Variants in SASH1 observed in about 807,000 individuals in gnomAD.
SASH1 encodes the protein SAM and SH3 domain containing 1.
Under a neutral mutation model 125.2 loss-of-function variants are expected in SASH1, and 44 were observed. The ratio of observed to expected loss-of-function variants is 0.35; its 90% confidence interval spans 0.28 to 0.45. The LOEUF is 0.45. SASH1 is among the 20% of genes least tolerant of loss of function. SASH1 has a pLI of 1.00. For synonymous variants in SASH1, 639 were observed against 649.1 expected (o/e 0.98, Z 0.24); for missense variants, 1,426 against 1,614.5 (o/e 0.88, Z 2.00).
chr6:148,474,354 G>A, intron 7 of SASH1, 132 bp downstream of exon 7: 1 of 566,726 alleles, frequency 1.8e-6, no homozygotes, highest in South Asian at 2.3e-5. Flanking sequence ...CTGTTTACTT[G>A]ATACAAACAT....
chr6:148,449,955 C>T (rs920081903), intron 4 of SASH1, among the ~76,000 whole-genome samples: 2 of 152,124 alleles, frequency 1.3e-5, no homozygotes, highest in African/African-American at 2.4e-5. Context: ...CACTCACTAC[C>T]ACAAGCATGG....
chr6:148,233,324 T>C, the SASH1 span, among the ~76,000 whole-genome samples: 26 of 152,086 alleles, frequency 1.7e-4, no homozygotes, highest in African/African-American at 6.0e-4. Flanking sequence ...CAAAGCACCA[T>C]GCTGTAGGGC....
At chr6:148,249,543 C>T in the SASH1 span, among the ~76,000 whole-genome samples, 9 of 152,296 alleles carry the variant, frequency 5.9e-5, no homozygotes, top group African/African-American at 7.2e-5. Context: ...GATAGGGGTA[C>T]GAATCTGCAA....
At chr6:148,527,987 T>TGGG (rs1479589655) in intron 12 of SASH1, among the ~76,000 whole-genome samples, 1 of 79,794 alleles carries the variant, frequency 1.3e-5, no homozygotes, top group African/African-American at 6.8e-5. Flanking sequence ...CTTTTTTTTT[T>TGGG]TGGGGGGGGG....
In SASH1 at chr6:148,497,358, A is replaced by T. The variant is rs188198642; in HGVS notation, c.729+9643A>T. ...AAAGTTTTCAGGCATGTATTTGTTGAGTCCCTAAGATCACCATGTTTCCAC... is the reference window on the plus strand; with the variant it reads ...AAAGTTTTCAGGCATGTATTTGTTGTGTCCCTAAGATCACCATGTTTCCAC... On this transcript the variant is annotated intron_variant, in intron 8 of 19. Coordinates refer to ENST00000367467, the MANE Select transcript of SASH1 (RefSeq NM_015278.5). Among the ~76,000 whole-genome samples, 79 of 152,268 alleles carry T rather than the reference A, an allele frequency of 5.2e-4. No homozygotes were observed. In the East Asian group the frequency reaches 0.013, roughly 24 times the overall value.
At chr6:148,518,108 C>T (rs138566334) in intron 9 of SASH1, among the ~76,000 whole-genome samples, 3 of 152,118 alleles carry the variant, frequency 2.0e-5, no homozygotes, top group Admixed American at 6.5e-5. Flanking sequence ...GCATAAGAAC[C>T]CTTGGTCTCC....
Position 148,474,203 on chromosome 6 carries a change from T to A in SASH1, c.608T>A (p.Ile203Asn). 1.9e-6 allele frequency: 3 copies of A among 1,602,512 alleles called. No homozygotes were observed. The highest frequency in any genetic ancestry group is 2.6e-6 in the Non-Finnish European group (3 of 1,173,076). ...MMMVKEKMIT[I>N]EEALARLKEY... ...ATGGTCAAAGAAAAGATGATCACAA[T>A]TGAGGAAGCACTTGCTAGGGTAAGC... is the stretch of plus-strand genomic sequence containing the variant. Residue 203 changes from isoleucine to asparagine, a missense_variant, in exon 7 of 20, where the codon ATT becomes AAT. This residue lies in a region of SASH1 where 567 missense variants were observed against 575.6 expected (regional missense o/e 0.99). Coordinates refer to ENST00000367467, the MANE Select transcript of SASH1 (RefSeq NM_015278.5).
At chr6:148,259,466 A>C in the SASH1 span, among the ~76,000 whole-genome samples, 1 of 152,120 alleles carries the variant, frequency 6.6e-6, no homozygotes, top group Non-Finnish European at 1.5e-5. Context: ...CCAATATACA[A>C]AAGTAGGTGA....
chr6:148,474,251 T>A (rs1315835105), intron 7 of SASH1, 29 bp downstream of exon 7: 6 of 1,378,128 alleles, frequency 4.4e-6, no homozygotes, highest in Non-Finnish European at 6.1e-6. Flanking sequence ...GGTTTATATT[T>A]GTGAGGACTT....
chr6:148,245,206 C>T, the SASH1 span, among the ~76,000 whole-genome samples: 2 of 152,128 alleles, frequency 1.3e-5, no homozygotes, highest in African/African-American at 4.8e-5. Flanking sequence ...TCCTCTTTCT[C>T]GACACAAACA....
At chr6:148,344,833 G>T (rs1240256860) in intron 1 of SASH1, among the ~76,000 whole-genome samples, 1 of 150,476 alleles carries the variant, frequency 6.6e-6, no homozygotes, top group Non-Finnish European at 1.5e-5. Context: ...TCAGCTCACT[G>T]CAACCTCCGC....
chr6:148,323,806 A>G (rs760987985), intron 1 of SASH1, among the ~76,000 whole-genome samples: 8 of 152,078 alleles, frequency 5.3e-5, no homozygotes, highest in Non-Finnish European at 1.0e-4. Flanking sequence ...TGTGACCCAC[A>G]TGAATAGAAG....
chr6:148,306,002 A>G (rs543291527), intron 1 of SASH1, among the ~76,000 whole-genome samples: 1 of 152,334 alleles, frequency 6.6e-6, no homozygotes, highest in East Asian at 1.9e-4. Flanking sequence ...ATATGCTTGT[A>G]TCAAAATATC....
intron 8 of SASH1, among the ~76,000 whole-genome samples, chr6:148,489,410 G>A (rs1007909769): frequency 6.6e-6 from 1 of 152,110 alleles, no homozygotes; most frequent in Non-Finnish European, 1.5e-5. Flanking sequence ...TGACACCTCC[G>A]ATTTTGTTCT....
intron 1 of SASH1, among the ~76,000 whole-genome samples, chr6:148,289,854 TG>T (rs1259045245): frequency 1.4e-5 from 2 of 148,122 alleles, no homozygotes; most frequent in East Asian, 4.0e-4. Flanking sequence ...TGGTTTTTTT[TG>T]GTTGTGTTTT....
At chr6:148,507,590 C>T (rs779345074) in intron 8 of SASH1, among the ~76,000 whole-genome samples, 15 of 152,122 alleles carry the variant, frequency 9.9e-5, no homozygotes, top group African/African-American at 1.4e-4. Context: ...AGGCTGGTCT[C>T]GAACTCCTGG....
At chr6:148,274,612 C>T (rs1260836350) in intron 1 of SASH1, among the ~76,000 whole-genome samples, 1 of 152,166 alleles carries the variant, frequency 6.6e-6, no homozygotes, top group African/African-American at 2.4e-5. Context: ...TTAGGAATAT[C>T]GTTCCTGTCC....
intron 1 of SASH1, among the ~76,000 whole-genome samples, chr6:148,325,903 A>G (rs953568564): frequency 6.6e-6 from 1 of 151,958 alleles, no homozygotes; most frequent in African/African-American, 2.4e-5. Flanking sequence ...ACTCTTGCAA[A>G]TTGTCTTGTC....
At chr6:148,479,045 CTTTTT>C (rs35055729) in intron 7 of SASH1, 2 of 105,166 alleles carry the variant, frequency 1.9e-5, no homozygotes, top group Non-Finnish European at 3.7e-5. Flanking sequence ...GACTGCACTA[CTTTTT>C]TTTTTTTTTT....
Sources: allele counts gnomAD v4.1 joint callset (sites outside exome capture counted in the v4.1 genomes callset), GRCh38; gene constraint gnomAD v4.1.1; regional missense constraint gnomAD v4.1.1; transcripts MANE v1.5; gene names NCBI Gene and HGNC (gene_info 2026-07-23, HGNC 2026-07-21).